Variants in AHCY observed in about 807,000 individuals in gnomAD.
AHCY encodes S-adenosyl-L-homocysteine hydrolase.
In AHCY, 24 loss-of-function variants were observed where a neutral mutation model predicts 45.4. That is an observed-to-expected ratio of 0.53 (90% CI 0.38 to 0.74). The LOEUF (loss-of-function observed/expected upper bound fraction) is 0.74, where lower values mean the gene tolerates loss of function less well. AHCY is among the 30% of genes least tolerant of loss of function. AHCY has a pLI of 0.00. For synonymous variants in AHCY, 245 were observed against 235.1 expected (o/e 1.04, Z -0.39); for missense variants, 449 against 594.1 (o/e 0.76, Z 2.54).
rs781339033 is a variant in AHCY, at chr20:34,281,081, C to G, written c.1252G>C (p.Gly418Arg). The G allele has an allele frequency of 1.2e-6, 2 of 1,614,164 alleles. No individual in the cohort carries two copies. Among genetic ancestry groups the G allele is most frequent in the Admixed American group, 1.7e-5 (1 of 60,024 alleles). Residue 418 changes from glycine (G) to arginine (R), a missense_variant, in exon 10 of 10, where the codon GGC becomes CGC. Gly to Arg is a moderately radical substitution (Grantham distance 125). Transcript: ENST00000217426. ...KLTEKQAQYLGMSCDGPFKPD... is the reference protein window; with the variant it reads ...KLTEKQAQYLRMSCDGPFKPD... ...TTGAAGGGGCCATCACAGGACATGC[C>G]CAGGTACTGGGCTTGCTTCTCAGTT...
chr20:34,303,918 T>A (rs2036862003), upstream of AHCY, among the ~76,000 whole-genome samples: 1 of 152,124 alleles, frequency 6.6e-6, no homozygotes, highest in East Asian at 1.9e-4. Flanking sequence ...GAGGATCTTT[T>A]GAGCCTGGAG....
intron 4 of AHCY, 38 bp downstream of exon 4, chr20:34,292,320 G>A: frequency 6.2e-7 from 1 of 1,605,754 alleles, no homozygotes; most frequent in Non-Finnish European, 8.5e-7. Context: ...CCCCACCCAG[G>A]CCACCAGCAC....
chr20:34,290,192 T>TG lies in AHCY; in HGVS notation c.972+139dup. On this transcript the variant is annotated intron_variant, in intron 8 of 9. Transcript: ENST00000217426. The surrounding 1 kb of genome is among the most constrained non-coding windows in gnomAD (Gnocchi z 4.5). ...GCCCACAGGATAAGGTTGCCACGTC[T>TG]GGCTGGCTCTGATGCTAGGCCCTCT... The TG allele has an allele frequency of 1.2e-6, 1 of 857,380 alleles. No homozygotes were observed. The highest frequency in any genetic ancestry group is 2.0e-6 in the Non-Finnish European group (1 of 505,590). 53.1% of individuals were successfully genotyped at this position (857,380 alleles called of 1,614,324 possible). A position where few individuals can be genotyped will look rare whatever the true frequency, so the allele number is the denominator to read the frequency against.
the AHCY span, among the ~76,000 whole-genome samples, chr20:34,272,631 A>G: frequency 2.0e-5 from 3 of 152,224 alleles, no homozygotes; most frequent in Non-Finnish European, 4.4e-5. Flanking sequence ...TCACACCTGT[A>G]ATCCCAGCAC....
chr20:34,308,320 G>C (rs576127064), upstream of AHCY, among the ~76,000 whole-genome samples: 1 of 152,312 alleles, frequency 6.6e-6, no homozygotes, highest in East Asian at 1.9e-4. Context: ...GGAGGCCAAG[G>C]CAGGTGGATC....
chr20:34,246,427 T>A, the AHCY span: 3 of 1,361,068 alleles, frequency 2.2e-6, no homozygotes, highest in African/African-American at 4.3e-5. Flanking sequence ...ACTCTGTTGG[T>A]AATGAACAGA....
chr20:34,234,824 AAAC>A, the AHCY span: 1 of 152,170 alleles, frequency 6.6e-6, no homozygotes, highest in Non-Finnish European at 1.5e-5. Context: ...ACAACAACAA[AAAC>A]AACAACAAAC....
Position 34,281,171 on chromosome 20 carries a change from G to A in AHCY, c.1168-6C>T. 3 of 1,612,758 alleles carry A rather than the reference G, an allele frequency of 1.9e-6. No homozygotes were observed. The highest frequency in any genetic ancestry group is 1.1e-5 in the South Asian group (1 of 90,962). On this transcript the variant is annotated splice_polypyrimidine_tract_variant and splice_region_variant and intron_variant, in intron 9 of 9. Coordinates refer to ENST00000217426, the MANE Select transcript of AHCY (RefSeq NM_000687.4). ...TCAGCCACTGCCTCATCCAGCTGGG[G>A]AGAAACAAAGGAAGACCGGGAATCA...
chr20:34,276,466 ATT>A (rs1404168605), downstream of AHCY, among the ~76,000 whole-genome samples: 1 of 152,004 alleles, frequency 6.6e-6, no homozygotes, highest in Non-Finnish European at 1.5e-5. Flanking sequence ...CCACCTCTCT[ATT>A]TCTCTCCCTG....
Position 34,291,047 on chromosome 20 carries a change from C to A in AHCY, c.559-109G>T, listed in dbSNP as rs1601658704. 6.3e-6 allele frequency: 7 copies of A among 1,107,874 alleles called. No individual in the cohort carries two copies. The East Asian group carries it at 1.8e-4, about 28-fold the overall frequency. 68.6% of individuals were successfully genotyped at this position (1,107,874 alleles called of 1,614,324 possible). Reference sequence around the variant, plus strand: ...GCCCAGGCATCATGGGCCCACCAAGCATCCCGGCCTGGGCTGAACCCCTCC... The same window carrying A: ...GCCCAGGCATCATGGGCCCACCAAGAATCCCGGCCTGGGCTGAACCCCTCC... On this transcript the variant is annotated intron_variant, in intron 5 of 9. Coordinates refer to ENST00000217426, the MANE Select transcript of AHCY (RefSeq NM_000687.4).
At chr20:34,238,997 A>G in the AHCY span, among the ~76,000 whole-genome samples, 4 of 152,178 alleles carry the variant, frequency 2.6e-5, no homozygotes, top group Non-Finnish European at 4.4e-5. Context: ...ACAGAATCCT[A>G]GAGCTTCCTA....
chr20:34,257,076 T>TG, the AHCY span, among the ~76,000 whole-genome samples: 1 of 151,110 alleles, frequency 6.6e-6, no homozygotes, highest in South Asian at 2.1e-4. Context: ...TTCTCTTTTT[T>TG]TTTTTTGTTT....
chr20:34,260,322 A>G, the AHCY span: 2 of 1,565,478 alleles, frequency 1.3e-6, no homozygotes, highest in East Asian at 4.5e-5. Flanking sequence ...TCTTACCATT[A>G]CCCCTGACCC....
rs754477055 is a variant in AHCY at position 34,290,305 on chromosome 20, C to G, written c.972+27G>C. ...CTCCTCTGCACTCCCATCTGCCCAGCCCACTGGCAAGGCGGGAGCTTCTCA... is the reference window on the plus strand; with the variant it reads ...CTCCTCTGCACTCCCATCTGCCCAGGCCACTGGCAAGGCGGGAGCTTCTCA... On this transcript the variant is annotated intron_variant, in intron 8 of 9. Coordinates refer to ENST00000217426, the MANE Select transcript of AHCY (RefSeq NM_000687.4). This position sits in a 1 kb window ranked among gnomAD's most constrained non-coding sequence, Gnocchi z 4.5. The G allele has an allele frequency of 6.2e-7, 1 of 1,607,722 alleles. No individual in the cohort carries two copies. The highest frequency in any genetic ancestry group is 1.1e-5 in the South Asian group (1 of 90,980).
At chr20:34,299,056 C>G (rs2036681712) in intron 1 of AHCY, among the ~76,000 whole-genome samples, 1 of 152,120 alleles carries the variant, frequency 6.6e-6, no homozygotes, top group Non-Finnish European at 1.5e-5. Context: ...GGGCCACTAC[C>G]GGTCTCCGCG....
intron 1 of AHCY, among the ~76,000 whole-genome samples, chr20:34,311,233 GA>G (rs2036944756): frequency 6.6e-6 from 1 of 152,236 alleles, no homozygotes; most frequent in African/African-American, 2.4e-5. Context: ...GTAAAAGAAA[GA>G]AAAGAACACA....
chr20:34,289,621 G>C lies in AHCY; in HGVS notation c.972+711C>G, dbSNP rs144056687. ...GCCTCCCAAATAGCTGGGATTACAG[G>C]TGCCCGCCACCACACCCGGCTAATT... On this transcript the variant is annotated intron_variant, in intron 8 of 9. Transcript: ENST00000217426. Among the ~76,000 whole-genome samples the C allele has an allele frequency of 1.0e-3, 152 of 151,832 alleles. 1 individual carries two copies. Among genetic ancestry groups the C allele is most frequent in the African/African-American group, 3.6e-3 (150 of 41,376 alleles).
upstream of AHCY, chr20:34,303,370 C>T (rs2036850218): frequency 4.0e-5 from 60 of 1,505,684 alleles, no homozygotes; most frequent in South Asian, 7.1e-4. Context: ...GCGCGTGGCG[C>T]CGACGCCTTT....
chr20:34,274,239 C>A, the AHCY span, among the ~76,000 whole-genome samples: 1 of 152,176 alleles, frequency 6.6e-6, no homozygotes, highest in Non-Finnish European at 1.5e-5. Flanking sequence ...TCATGCCAGG[C>A]ATGACACCAA....
Sources: allele counts gnomAD v4.1 joint callset (sites outside exome capture counted in the v4.1 genomes callset), GRCh38; gene constraint gnomAD v4.1.1; non-coding constraint Gnocchi (gnomAD v3.1); transcripts MANE v1.5; gene names NCBI Gene and HGNC (gene_info 2026-07-23, HGNC 2026-07-21).